SAMD13: variants seen among roughly 807,000 people sequenced by gnomAD.
SAMD13 encodes the protein sterile alpha motif domain-containing protein 13.
SAMD13 carries 9 observed loss-of-function variants against 12.4 expected under a neutral mutation model. The ratio of observed to expected loss-of-function variants is 0.72; its 90% CI spans 0.44 to 1.26. SAMD13 has a LOEUF of 1.26. Ranked by LOEUF, SAMD13 falls within the 50% of genes most tolerant of loss-of-function variation. The pLI is 0.00. For missense variants in SAMD13, 84 were observed against 119.6 expected (o/e 0.70, Z 1.39); for synonymous variants, 46 against 45.4 (o/e 1.01, Z -0.05).
chr1:84,306,202 A>T (rs1678568137), intron 2 of SAMD13, among the ~76,000 whole-genome samples: 1 of 152,078 alleles, frequency 6.6e-6, no homozygotes, highest in South Asian at 2.1e-4. Context: ...CCTTTTTGCC[A>T]GTTGCATCCC....
rs546296704 is a variant in SAMD13, at chr1:84,331,633, T to C, written c.165+5885T>C. Among the ~76,000 whole-genome samples the C allele has an allele frequency of 9.2e-5, 14 of 152,150 alleles. No individual in the cohort carries two copies. The East Asian group carries it at 2.3e-3, about 25-fold the overall frequency. On this transcript the variant is annotated intron_variant, in intron 3 of 3. Coordinates refer to ENST00000394834, the MANE Select transcript of SAMD13 (RefSeq NM_001134663.2). ...TCTGCTGATGTGTCCTTTCAACCCA[T>C]GAAAATTTAGAAAAGAGGTGAAATC...
At chr1:84,325,588 C>A (rs749472956) in intron 2 of SAMD13, 49 bp from the exon 3 acceptor site, 2 of 1,162,360 alleles carry the variant, frequency 1.7e-6, no homozygotes, top group South Asian at 1.2e-5. Flanking sequence ...CCTGGCCACA[C>A]CCTTGTGCAG....
Position 84,349,661 on chromosome 1 carries a change from A to G in SAMD13, c.196A>G (p.Thr66Ala). ...EIDGKSLLLM[T>A]RNDVLTGLQL... ...TGATGGAAAATCCCTGCTATTGATGACAAGAAATGATGTGTTGACAGGACT... is the reference window on the plus strand; with the variant it reads ...TGATGGAAAATCCCTGCTATTGATGGCAAGAAATGATGTGTTGACAGGACT... The change falls in exon 4 of 4, where the codon ACA becomes GCA. Residue 66 changes from threonine (T) to alanine (A), a missense_variant. By Grantham distance (58) the Thr-to-Ala change is moderately conservative. Transcript: ENST00000394834. 1 of 1,613,710 alleles carries G rather than the reference A, an allele frequency of 6.2e-7. No individual in the cohort carries two copies. The highest frequency in any genetic ancestry group is 8.5e-7 in the Non-Finnish European group (1 of 1,179,756).
upstream of SAMD13, chr1:84,298,594 G>A (rs545718792): frequency 3.9e-6 from 5 of 1,283,004 alleles, no homozygotes; most frequent in South Asian, 3.7e-5. Context: ...TGCGCCCAGG[G>A]CGTGGGAAGG....
chr1:84,307,947 A>G (rs1045925325), intron 2 of SAMD13, among the ~76,000 whole-genome samples: 8 of 152,004 alleles, frequency 5.3e-5, no homozygotes, highest in Admixed American at 2.6e-4. Flanking sequence ...GTTTCCTCAT[A>G]TGCAGGTGCT....
chr1:84,320,560 T>C (rs1170103250), intron 2 of SAMD13, among the ~76,000 whole-genome samples: 1 of 152,220 alleles, frequency 6.6e-6, no homozygotes, highest in East Asian at 1.9e-4. Context: ...ATTTAGTTGC[T>C]TCATCCTCAG....
At chr1:84,335,447 A>G (rs1679272788) in intron 3 of SAMD13, among the ~76,000 whole-genome samples, 6 of 152,150 alleles carry the variant, frequency 3.9e-5, no homozygotes, top group Admixed American at 3.9e-4. Context: ...CATTACATGT[A>G]AGATGGGCCT....
chr1:84,302,009 C>T (rs1350103239), intron 1 of SAMD13: 1 of 152,412 alleles, frequency 6.6e-6, no homozygotes, highest in East Asian at 1.9e-4. Flanking sequence ...TGTCTACTCT[C>T]TAACGGTGTG....
intron 3 of SAMD13, among the ~76,000 whole-genome samples, chr1:84,343,739 AT>A (rs1167225175): frequency 6.6e-6 from 1 of 152,194 alleles, no homozygotes; most frequent in African/African-American, 2.4e-5. Flanking sequence ...ATTAGGAAAA[AT>A]AGCTAATGCA....
chr1:84,330,561 G>T (rs1679157500), intron 3 of SAMD13, among the ~76,000 whole-genome samples: 1 of 152,182 alleles, frequency 6.6e-6, no homozygotes, highest in South Asian at 2.1e-4. Flanking sequence ...AAGGCTAAAT[G>T]AGCAGCATTC....
rs931061164 is a variant in SAMD13 at position 84,349,863 on chromosome 1, C to T, written c.*89C>T. 4 of 1,510,608 alleles carry T rather than the reference C, an allele frequency of 2.6e-6. No homozygotes were observed. In the South Asian group the frequency reaches 4.2e-5, roughly 16 times the overall value. 93.6% of individuals were successfully genotyped at this position (1,510,608 alleles called of 1,614,324 possible). A position where few individuals can be genotyped will look rare whatever the true frequency, so the allele number is the denominator to read the frequency against. On this transcript the variant is annotated 3_prime_UTR_variant, in exon 4 of 4. Coordinates refer to ENST00000394834, the MANE Select transcript of SAMD13 (RefSeq NM_001134663.2). ...TGAAACTTTGTAAACAGAATACATA[C>T]ATGTGTATATGTAAAGAATTTCAAT...
At chr1:84,322,151 G>T (rs1421779885) in intron 2 of SAMD13, among the ~76,000 whole-genome samples, 1 of 152,176 alleles carries the variant, frequency 6.6e-6, no homozygotes, top group African/African-American at 2.4e-5. Flanking sequence ...CTCAGAGCTA[G>T]CTGTTTCCAC....
upstream of SAMD13, chr1:84,298,613 C>G: frequency 7.9e-7 from 1 of 1,273,884 alleles, no homozygotes; most frequent in Non-Finnish European, 1.0e-6. Flanking sequence ...GGCGCCCGCC[C>G]TCTCCTCTCT....
rs531765998 is a variant in SAMD13, at chr1:84,331,035, A to G, written c.165+5287A>G. Among the ~76,000 whole-genome samples, 8 of 152,278 alleles carry G rather than the reference A, an allele frequency of 5.3e-5. 1 individual carries two copies. In the South Asian group the frequency reaches 1.0e-3, roughly 20 times the overall value. ...TCATTCATTTGAAATGCAAAGATTG[A>G]CATCTCTTTACAGATGACTTATTGC... On this transcript the variant is annotated intron_variant, in intron 3 of 3. Transcript: ENST00000394834.
intron 3 of SAMD13, among the ~76,000 whole-genome samples, chr1:84,343,880 A>AT (rs1679478342): frequency 1.3e-5 from 2 of 152,124 alleles, no homozygotes; most frequent in African/African-American, 2.4e-5. Flanking sequence ...ATTAAAAAAA[A>AT]TTTTTAATCA....
At chr1:84,315,677 T>C (rs1485204317) in intron 2 of SAMD13, among the ~76,000 whole-genome samples, 2 of 152,218 alleles carry the variant, frequency 1.3e-5, no homozygotes, top group South Asian at 4.1e-4. Context: ...GCTGTGAATA[T>C]GGGAGTACTA....
At chr1:84,313,076 A>C (rs1242389831) in intron 2 of SAMD13, among the ~76,000 whole-genome samples, 1 of 152,146 alleles carries the variant, frequency 6.6e-6, no homozygotes, top group African/African-American at 2.4e-5. Context: ...TAAATAACTA[A>C]GATGGAGCCA....
upstream of SAMD13, chr1:84,299,657 G>GTATATATATATA (rs143143145): frequency 1.2e-4 from 80 of 677,860 alleles, 2 homozygotes; most frequent in African/African-American, 5.2e-4. Context: ...GAGTACTAGT[G>GTATATATATATA]TATATATATA....
At chr1:84,329,852 C>G (rs974636762) in intron 3 of SAMD13, among the ~76,000 whole-genome samples, 27 of 152,186 alleles carry the variant, frequency 1.8e-4, no homozygotes, top group African/African-American at 6.5e-4. Flanking sequence ...GTCGCTACTC[C>G]TTGGGTTGGC....
Sources: allele counts gnomAD v4.1 joint callset (sites outside exome capture counted in the v4.1 genomes callset), GRCh38; gene constraint gnomAD v4.1.1; transcripts MANE v1.5; gene names NCBI Gene and HGNC (gene_info 2026-07-23, HGNC 2026-07-21).